SDK1: variants seen among roughly 807,000 people sequenced by gnomAD.
SDK1 encodes the protein protein sidekick-1.
SDK1 carries 157 observed loss-of-function variants against 245.5 expected under a neutral mutation model. The ratio of observed to expected loss-of-function variants is 0.64; its 90% CI spans 0.56 to 0.73. The LOEUF is 0.73. SDK1 is among the 30% of genes least tolerant of loss of function. SDK1 has a pLI of 0.00. For synonymous variants in SDK1, 1,647 were observed against 1,278.5 expected, an observed-to-expected ratio of 1.29 and a Z score of -6.15; for missense variants, 3,583 against 3,002.3, an observed-to-expected ratio of 1.19 and a Z score of -4.52.
chr7:3,610,170 A>T (rs1303126715), intron 1 of SDK1, among the ~76,000 whole-genome samples: 1 of 152,240 alleles, frequency 6.6e-6, no homozygotes, highest in Non-Finnish European at 1.5e-5. Context: ...CTTGATATAA[A>T]ATTAAACCTT....
chr7:4,012,644 G>A (rs571435592), intron 16 of SDK1, among the ~76,000 whole-genome samples: 25 of 130,586 alleles, frequency 1.9e-4, no homozygotes, highest in African/African-American at 5.1e-4. Flanking sequence ...CACAATCTTG[G>A]CTCAATGCAA....
At chr7:3,951,317 A>G (rs774265003) in intron 6 of SDK1, among the ~76,000 whole-genome samples, 8 of 152,186 alleles carry the variant, frequency 5.3e-5, no homozygotes, top group Non-Finnish European at 8.8e-5. Context: ...GAGTTGAGGC[A>G]GAGGAAAAAG....
intron 30 of SDK1, among the ~76,000 whole-genome samples, chr7:4,156,781 G>A (rs747261620): frequency 1.2e-4 from 18 of 152,208 alleles, no homozygotes; most frequent in Non-Finnish European, 2.1e-4. Flanking sequence ...TGGGCCTCTG[G>A]ACTTCAGAGA....
intron 1 of SDK1, among the ~76,000 whole-genome samples, chr7:3,307,864 C>T (rs544329681): frequency 3.3e-5 from 5 of 152,160 alleles, no homozygotes; most frequent in Non-Finnish European, 7.4e-5. Flanking sequence ...TTGTTCTACT[C>T]TGATTCTCTG....
At chr7:3,599,505 C>T (rs1223287746) in intron 1 of SDK1, among the ~76,000 whole-genome samples, 1 of 152,070 alleles carries the variant, frequency 6.6e-6, no homozygotes, top group Non-Finnish European at 1.5e-5. Context: ...TTCTTTTGTG[C>T]ATTATGCTTT....
rs545993436 is a variant in SDK1 at position 4,184,638 on chromosome 7, C to A, written c.5098+6052C>A. On this transcript the variant is annotated intron_variant, in intron 35 of 44. Transcript: ENST00000404826. ...TACGTGATACTTAAATCTGTTTAAA[C>A]TCAGAGAGGAAGGATAATTTTTAGA... Among the ~76,000 whole-genome samples, 4 of 152,318 alleles carry A rather than the reference C, an allele frequency of 2.6e-5. No individual in the cohort carries two copies. The East Asian group carries it at 7.7e-4, about 29-fold the overall frequency.
chr7:3,501,776 A>G (rs1373059852), intron 1 of SDK1, among the ~76,000 whole-genome samples: 5 of 152,034 alleles, frequency 3.3e-5, no homozygotes, highest in Non-Finnish European at 7.4e-5. Flanking sequence ...TCCAGTTATG[A>G]TGGACTATCA....
chr7:3,801,418 T>A (rs1779103780), intron 4 of SDK1, among the ~76,000 whole-genome samples: 1 of 152,242 alleles, frequency 6.6e-6, no homozygotes, highest in African/African-American at 2.4e-5. Context: ...TGTTTAATCC[T>A]TTTTTAAAAA....
chr7:4,133,261 T>C (rs190169723), intron 28 of SDK1, among the ~76,000 whole-genome samples: 6 of 152,350 alleles, frequency 3.9e-5, no homozygotes, highest in Admixed American at 3.3e-4. Flanking sequence ...AGCCTGAATT[T>C]TTCCGTTCCC....
intron 12 of SDK1, among the ~76,000 whole-genome samples, chr7:3,972,605 C>T (rs993642427): frequency 3.3e-5 from 5 of 152,162 alleles, no homozygotes; most frequent in African/African-American, 1.2e-4. Context: ...TCCACTCTGG[C>T]CTTAGCCCAG....
At chr7:3,845,488 CAAAAAAAA>C (rs369588343) in intron 5 of SDK1, among the ~76,000 whole-genome samples, 1 of 40,196 alleles carries the variant, frequency 2.5e-5, no homozygotes, top group South Asian at 1.3e-3. Flanking sequence ...GACTCCGTCT[CAAAAAAAA>C]AAAAAAAAAA....
At chr7:3,634,908 T>G (rs1782407025) in intron 2 of SDK1, among the ~76,000 whole-genome samples, 1 of 152,240 alleles carries the variant, frequency 6.6e-6, no homozygotes, top group Non-Finnish European at 1.5e-5. Context: ...ATTTAAGACC[T>G]ATTTAGGTAT....
Position 4,129,975 on chromosome 7 carries a change from A to C in SDK1, c.4007A>C (p.Gln1336Pro), listed in dbSNP as rs201991802. ...CACATCGTGCGAGGGAACCACACGC[A>C]GTCGGCCCTGCTGGCAGGCCTGCGC... ...RSHIVRGNHT[Q>P]SALLAGLRKF... The change falls in exon 27 of 45, where the codon CAG becomes CCG. Residue 1336 changes from glutamine to proline, a missense_variant. Coordinates refer to ENST00000404826, the MANE Select transcript of SDK1 (RefSeq NM_152744.4). 1.7e-4 allele frequency: 270 copies of C among 1,613,702 alleles called. No individual in the cohort carries two copies. The highest frequency in any genetic ancestry group is 6.8e-5 in the Non-Finnish European group (80 of 1,180,002).
intron 4 of SDK1, among the ~76,000 whole-genome samples, chr7:3,772,683 C>T (rs550793778): frequency 6.6e-6 from 1 of 152,250 alleles, no homozygotes; most frequent in East Asian, 1.9e-4. Context: ...TTTCTTCATA[C>T]AGCTCCAAGT....
intron 15 of SDK1, among the ~76,000 whole-genome samples, chr7:4,011,372 C>T (rs993901271): frequency 1.3e-5 from 2 of 152,230 alleles, no homozygotes. Flanking sequence ...CTACATAAAT[C>T]GCTCCTGACA....
intron 14 of SDK1, among the ~76,000 whole-genome samples, chr7:3,997,711 C>T (rs1037964467): frequency 1.3e-5 from 2 of 152,096 alleles, no homozygotes; most frequent in African/African-American, 4.8e-5. Context: ...CATGAGTGGG[C>T]CTGGAAAAGG....
At chr7:3,334,307 A>G (rs1340188091) in intron 1 of SDK1, among the ~76,000 whole-genome samples, 1 of 152,194 alleles carries the variant, frequency 6.6e-6, no homozygotes, top group African/African-American at 2.4e-5. Context: ...TGCTGATGAA[A>G]GCAGCAGTTC....
chr7:4,086,552 G>A (rs953967992), intron 22 of SDK1, among the ~76,000 whole-genome samples: 8 of 152,138 alleles, frequency 5.3e-5, no homozygotes, highest in South Asian at 4.2e-4. Context: ...TCTGTGGCTC[G>A]GGATCCCCTT....
At chr7:4,161,201 C>T (rs987709708) in intron 31 of SDK1, among the ~76,000 whole-genome samples, 1 of 152,160 alleles carries the variant, frequency 6.6e-6, no homozygotes, top group African/African-American at 2.4e-5. Flanking sequence ...GAGTGCAGGG[C>T]ATGGCCATAG....
Sources: allele counts gnomAD v4.1 joint callset (sites outside exome capture counted in the v4.1 genomes callset), GRCh38; gene constraint gnomAD v4.1.1; transcripts MANE v1.5; gene names NCBI Gene and HGNC (gene_info 2026-07-23, HGNC 2026-07-21).